PLCB4: variants seen among roughly 807,000 people sequenced by gnomAD.
PLCB4 encodes 1-phosphatidylinositol 4,5-bisphosphate phosphodiesterase beta-4.
PLCB4 carries 77 observed loss-of-function variants against 178.8 expected under a neutral mutation model. The observed-to-expected ratio is 0.43, with a 90% CI of 0.36 to 0.52. The LOEUF (loss-of-function observed/expected upper bound fraction) is 0.52. Ranked by LOEUF, PLCB4 falls within the 20% of genes least tolerant of loss-of-function variation. The probability of loss-of-function intolerance (pLI) is 0.00; values close to 1 mark genes in which losing one functional copy is unlikely to be tolerated. For missense variants in PLCB4, 1,024 were observed against 1,453.4 expected (o/e 0.70, Z 4.80); for synonymous variants, 496 against 490.8 (o/e 1.01, Z -0.14).
chr20:9,106,835 A>G (rs1475446372), intron 2 of PLCB4, among the ~76,000 whole-genome samples: 1 of 152,206 alleles, frequency 6.6e-6, no homozygotes, highest in Non-Finnish European at 1.5e-5. Context: ...GGCAAATTGG[A>G]TAGTTGTGTA....
chr20:9,224,374 G>T (rs1459679537), intron 3 of PLCB4, among the ~76,000 whole-genome samples: 1 of 152,082 alleles, frequency 6.6e-6, no homozygotes, highest in Non-Finnish European at 1.5e-5. Context: ...TTCTGCTTAG[G>T]CACTAAATGG....
chr20:9,167,715 T>A (rs2092995790), intron 2 of PLCB4, among the ~76,000 whole-genome samples: 1 of 152,242 alleles, frequency 6.6e-6, no homozygotes, highest in Non-Finnish European at 1.5e-5. Context: ...AGAGGAGTGA[T>A]GCTGAAGTAT....
At chr20:9,206,262 C>A (rs908846224) in intron 2 of PLCB4, among the ~76,000 whole-genome samples, 1 of 151,130 alleles carries the variant, frequency 6.6e-6, no homozygotes, top group Non-Finnish European at 1.5e-5. Context: ...ATCTGTGTCC[C>A]TCCCACATCC....
chr20:9,240,804 T>C (rs2094051196), intron 3 of PLCB4, among the ~76,000 whole-genome samples: 1 of 151,864 alleles, frequency 6.6e-6, no homozygotes, highest in Non-Finnish European at 1.5e-5. Flanking sequence ...GTTGGGAGGA[T>C]GAGAGGGAAA....
chr20:9,149,798 C>A (rs73895595), intron 2 of PLCB4, among the ~76,000 whole-genome samples: 17,480 of 152,170 alleles, frequency 0.11, 1,644 homozygotes, highest in African/African-American at 0.25. Flanking sequence ...AAACTCCCAA[C>A]TGGAGGTTGG....
chr20:9,108,074 G>C (rs1156752084), intron 2 of PLCB4, among the ~76,000 whole-genome samples: 1 of 152,160 alleles, frequency 6.6e-6, no homozygotes, highest in African/African-American at 2.4e-5. Context: ...GAATGGGGAA[G>C]ACTGCATTAT....
chr20:9,420,942 T>G lies in PLCB4; in HGVS notation c.2155-355T>G, dbSNP rs945856500. 7.2e-5 allele frequency among the ~76,000 whole-genome samples: 11 copies of G among 152,188 alleles called. No homozygotes were observed. The East Asian group carries it at 1.9e-3, about 27-fold the overall frequency. On this transcript the variant is annotated intron_variant, in intron 26 of 39. Coordinates refer to ENST00000378473, the MANE Select transcript of PLCB4 (RefSeq NM_001377142.1). The stretch of plus-strand genomic sequence containing the variant: ...ATGGCATGATGGAATTTCAGAGCTA[T>G]GAAGGGTCTTAGGACATACCTGAAT...
intron 35 of PLCB4, among the ~76,000 whole-genome samples, chr20:9,462,957 C>T (rs1483329958): frequency 6.6e-6 from 1 of 152,126 alleles, no homozygotes. Flanking sequence ...CCCTAAGACA[C>T]ATAATTGTCA....
At chr20:9,216,248 C>G (rs1476753047) in intron 2 of PLCB4, among the ~76,000 whole-genome samples, 1 of 151,884 alleles carries the variant, frequency 6.6e-6, no homozygotes, top group South Asian at 2.1e-4. Context: ...GATGGAGTCT[C>G]TCTCTGTCAC....
intron 2 of PLCB4, among the ~76,000 whole-genome samples, chr20:9,124,838 T>G (rs1251487182): frequency 6.6e-6 from 1 of 152,198 alleles, no homozygotes; most frequent in Non-Finnish European, 1.5e-5. Context: ...AACTTTGTTT[T>G]GCAGTGTTAG....
chr20:9,404,483 T>A (rs987709848), intron 20 of PLCB4, among the ~76,000 whole-genome samples: 1 of 151,604 alleles, frequency 6.6e-6, no homozygotes, highest in Non-Finnish European at 1.5e-5. Flanking sequence ...TACGCGCCTG[T>A]AATCCCAGCT....
intron 2 of PLCB4, among the ~76,000 whole-genome samples, chr20:9,137,068 G>A (rs950373992): frequency 6.6e-6 from 1 of 151,976 alleles, no homozygotes; most frequent in Admixed American, 6.6e-5. Context: ...AGCCACAGTC[G>A]ACCAGGAAGA....
At chr20:9,076,596 CT>C (rs1281721694) in intron 1 of PLCB4, among the ~76,000 whole-genome samples, 1 of 152,216 alleles carries the variant, frequency 6.6e-6, no homozygotes, top group Non-Finnish European at 1.5e-5. Context: ...GATGTCCCCC[CT>C]GCTATTTGGT....
chr20:9,435,719 C>A, intron 29 of PLCB4, 71 bp downstream of exon 29: 1 of 880,442 alleles, frequency 1.1e-6, no homozygotes. Context: ...TTTACAAAAA[C>A]AAGACAAAGT....
intron 2 of PLCB4, among the ~76,000 whole-genome samples, chr20:9,200,883 G>A (rs977212277): frequency 6.6e-6 from 1 of 152,068 alleles, no homozygotes; most frequent in African/African-American, 2.4e-5. Flanking sequence ...TGCTAGGAAT[G>A]CAATAAATAT....
Position 9,473,091 on chromosome 20 carries a change from T to G in PLCB4, c.3409-188T>G, listed in dbSNP as rs114149990. On this transcript the variant is annotated intron_variant, in intron 37 of 39. Transcript: ENST00000378473. Reference sequence around the variant, plus strand: ...CATGCGTAAGTCCTCTATTATTTTCTAAGATTTTAGCAGGAAAGATCTTCC... The same window carrying G: ...CATGCGTAAGTCCTCTATTATTTTCGAAGATTTTAGCAGGAAAGATCTTCC... Among the ~76,000 whole-genome samples, 2,264 of 152,256 alleles carry G rather than the reference T, an allele frequency of 0.015. 47 individuals are homozygous for G. The highest frequency in any genetic ancestry group is 0.051 in the African/African-American group (2,128 of 41,540).
chr20:9,416,138 G>T (rs2040228720), intron 25 of PLCB4, among the ~76,000 whole-genome samples: 2 of 152,144 alleles, frequency 1.3e-5, no homozygotes, highest in Admixed American at 1.3e-4. Context: ...ATTGGATATG[G>T]GTTTCTTGCC....
chr20:9,099,642 C>T (rs529248502), intron 2 of PLCB4, among the ~76,000 whole-genome samples: 4 of 151,982 alleles, frequency 2.6e-5, no homozygotes, highest in African/African-American at 4.8e-5. Flanking sequence ...CTCCATGCCA[C>T]AAGTAGTACC....
chr20:9,215,817 T>C (rs1286808869), intron 2 of PLCB4, among the ~76,000 whole-genome samples: 2 of 152,220 alleles, frequency 1.3e-5, no homozygotes, highest in African/African-American at 4.8e-5. Flanking sequence ...TGTATAACGA[T>C]ATATATGTCT....
Sources: gnomAD v4.1 joint callset for allele counts (sites outside exome capture counted in the v4.1 genomes callset) on GRCh38, gnomAD v4.1.1 for gene constraint, MANE v1.5 for transcripts, NCBI Gene and HGNC (gene_info 2026-07-23, HGNC 2026-07-21) for gene names.